The following COL25A1 variants were observed in gnomAD, a reference collection of about 807,000 sequenced individuals.
COL25A1 encodes collagen type XXV alpha 1 chain, also known as collagen alpha-1(XXV) chain.
Under a neutral mutation model 128.4 loss-of-function variants are expected in COL25A1, and 103 were observed. That is an observed-to-expected ratio of 0.80 (90% CI 0.68 to 0.94). The LOEUF is 0.94. Among genes scored for constraint, COL25A1 ranks in the 40% least tolerant of loss-of-function variants. The probability of loss-of-function intolerance (pLI) is 0.00; values close to 1 mark genes in which losing one functional copy is unlikely to be tolerated. For missense variants in COL25A1, 745 were observed against 840.0 expected (o/e 0.89, Z 1.40); for synonymous variants, 279 against 277.2 (o/e 1.01, Z -0.06).
At chr4:109,084,506 C>T (rs986370286) in intron 3 of COL25A1, among the ~76,000 whole-genome samples, 1 of 152,154 alleles carries the variant, frequency 6.6e-6, no homozygotes, top group Non-Finnish European at 1.5e-5. Flanking sequence ...TGCTGGTAAC[C>T]CAGATGACTG....
rs4992301 is a variant in COL25A1, at chr4:109,288,962, T to C, written c.367+11621A>G. Among the ~76,000 whole-genome samples the C allele has an allele frequency of 8.5e-3, 1,134 of 133,556 alleles. 9 individuals are homozygous for C. The highest frequency in any genetic ancestry group is 0.025 in the African/African-American group (901 of 36,298). 87.6% of individuals were successfully genotyped at this position (133,556 alleles called of 152,430 possible). A position where few individuals can be genotyped will look rare whatever the true frequency, so the allele number is the denominator to read the frequency against. ...ACTACCAGGAATACTAAATTATATA[T>C]ACACACACACACACACACACACACA... On this transcript the variant is annotated intron_variant, in intron 3 of 37. Transcript: ENST00000399132.
intron 5 of COL25A1, among the ~76,000 whole-genome samples, chr4:109,026,769 G>A (rs1003605419): frequency 7.9e-5 from 12 of 152,162 alleles, no homozygotes; most frequent in African/African-American, 2.9e-4. Context: ...GTTTACAAAC[G>A]GACAGGACAT....
At chr4:108,838,841 C>G (rs750584392) in intron 31 of COL25A1, among the ~76,000 whole-genome samples, 1 of 152,128 alleles carries the variant, frequency 6.6e-6, no homozygotes, top group African/African-American at 2.4e-5. Flanking sequence ...TTTAACTCAG[C>G]GTGACATTAT....
intron 6 of COL25A1, among the ~76,000 whole-genome samples, chr4:108,996,966 C>T (rs1448224044): frequency 1.3e-5 from 2 of 152,180 alleles, no homozygotes; most frequent in Admixed American, 6.5e-5. Context: ...CACTGGGACA[C>T]ATTTAAAGCA....
chr4:108,982,062 C>T (rs907465408), intron 6 of COL25A1, among the ~76,000 whole-genome samples: 4 of 148,340 alleles, frequency 2.7e-5, no homozygotes, highest in Admixed American at 2.0e-4. Context: ...GGCGTGGTGG[C>T]ATGCGCCTGT....
intron 3 of COL25A1, among the ~76,000 whole-genome samples, chr4:109,204,219 C>G (rs1300537727): frequency 6.6e-6 from 1 of 151,986 alleles, no homozygotes; most frequent in Non-Finnish European, 1.5e-5. Flanking sequence ...AACTATATAC[C>G]TATATTAATG....
intron 3 of COL25A1, among the ~76,000 whole-genome samples, chr4:109,054,883 CCCAA>C (rs575982246): frequency 6.6e-6 from 1 of 152,192 alleles, no homozygotes; most frequent in East Asian, 1.9e-4. Flanking sequence ...GCTCCTCCAC[CCCAA>C]ACAATCCCTG....
intron 5 of COL25A1, among the ~76,000 whole-genome samples, chr4:109,040,791 C>T (rs925099300): frequency 6.6e-6 from 1 of 151,274 alleles, no homozygotes; most frequent in Admixed American, 6.6e-5. Flanking sequence ...GCTTTAAAAC[C>T]GAGGCATTCC....
At chr4:109,161,440 T>C (rs1054418385) in intron 3 of COL25A1, among the ~76,000 whole-genome samples, 1 of 152,188 alleles carries the variant, frequency 6.6e-6, no homozygotes, top group Non-Finnish European at 1.5e-5. Context: ...CTTTCTTTCT[T>C]ATCCTTAAAT....
chr4:108,959,654 G>T lies in COL25A1; in HGVS notation c.492+14713C>A, dbSNP rs1750452503. ...TAACAGTTATAATATACAATTCTGG[G>T]TAGATACAATGACTCAAACTTTGCA... On this transcript the variant is annotated intron_variant, in intron 8 of 37. Transcript: ENST00000399132. 2.0e-5 allele frequency among the ~76,000 whole-genome samples: 3 copies of T among 152,080 alleles called. No individual in the cohort carries two copies. In the South Asian group the frequency reaches 6.2e-4, roughly 31 times the overall value.
At chr4:108,899,347 C>T (rs1742552631) in intron 14 of COL25A1, among the ~76,000 whole-genome samples, 167 bp from the exon 15 acceptor site, 1 of 152,100 alleles carries the variant, frequency 6.6e-6, no homozygotes, top group Non-Finnish European at 1.5e-5. Context: ...AATGAGTTTC[C>T]TGGAGAATTT....
chr4:109,177,131 A>C (rs1252050007), intron 3 of COL25A1, among the ~76,000 whole-genome samples: 1 of 152,196 alleles, frequency 6.6e-6, no homozygotes, highest in African/African-American at 2.4e-5. Context: ...CAAGTTTCTA[A>C]ATTGGAAAAT....
At chr4:109,199,272 A>ACGATGTGTACTTCTG (rs1337981901) in intron 3 of COL25A1, among the ~76,000 whole-genome samples, 1 of 152,166 alleles carries the variant, frequency 6.6e-6, no homozygotes, top group African/African-American at 2.4e-5. Flanking sequence ...CTTTATCACC[A>ACGATGTGTACTTCTG]CGATGTGTAC....
rs1015235811 is a variant in COL25A1 at position 108,899,151 on chromosome 4, T to C, written c.861+3A>G. 1.2e-6 allele frequency: 2 copies of C among 1,609,790 alleles called. No homozygotes were observed. Among genetic ancestry groups the C allele is most frequent in the Non-Finnish European group, 1.7e-6 (2 of 1,178,004 alleles). On this transcript the variant is annotated splice_donor_region_variant and intron_variant, in intron 15 of 37. Transcript: ENST00000399132. ...AGAGAAATACAGGCAGAATCATTCT[T>C]ACCTTTTCACCTTGTTCTCCAGGTT...
At chr4:109,200,876 T>G (rs898628455) in intron 3 of COL25A1, among the ~76,000 whole-genome samples, 15 of 152,156 alleles carry the variant, frequency 9.9e-5, no homozygotes, top group Admixed American at 4.6e-4. Context: ...CTCATTCACT[T>G]GTATAGCTTC....
At chr4:109,047,442 A>G (rs1760537299) in intron 5 of COL25A1, among the ~76,000 whole-genome samples, 1 of 152,124 alleles carries the variant, frequency 6.6e-6, no homozygotes, top group South Asian at 2.1e-4. Flanking sequence ...ATGCAAAGGC[A>G]TAAGAATGAC....
At chr4:108,956,838 T>C (rs1247464345) in intron 8 of COL25A1, among the ~76,000 whole-genome samples, 1 of 152,184 alleles carries the variant, frequency 6.6e-6, no homozygotes, top group Non-Finnish European at 1.5e-5. Flanking sequence ...AAATGTAATG[T>C]TTGTTGGATT....
At chr4:108,872,550 A>G (rs1738864919) in intron 19 of COL25A1, among the ~76,000 whole-genome samples, 1 of 152,170 alleles carries the variant, frequency 6.6e-6, no homozygotes, top group Admixed American at 6.5e-5. Context: ...GAATAGGCTA[A>G]CCTTCCCCTG....
chr4:108,834,220 C>A, intron 31 of COL25A1: 1 of 895,020 alleles, frequency 1.1e-6, no homozygotes, highest in South Asian at 1.7e-5. Context: ...CCATCTTTGT[C>A]CACCTTCCCC....
Sources: gnomAD v4.1 joint callset for allele counts (sites outside exome capture counted in the v4.1 genomes callset) on GRCh38, gnomAD v4.1.1 for gene constraint, MANE v1.5 for transcripts, NCBI Gene and HGNC (gene_info 2026-07-23, HGNC 2026-07-21) for gene names.